Variants in CYRIB observed in about 807,000 individuals in gnomAD.
CYRIB encodes CYFIP related Rac1 interactor B.
In CYRIB, 8 loss-of-function variants were observed where a neutral mutation model predicts 44.2. That is an observed-to-expected ratio of 0.18 (90% confidence interval 0.11 to 0.33). The LOEUF is 0.33. Among genes scored for constraint, CYRIB ranks in the 10% least tolerant of loss-of-function variants. CYRIB has a pLI of 1.00. For missense variants in CYRIB, 185 were observed against 382.8 expected (o/e 0.48, Z 4.31); for synonymous variants, 131 against 127.2 (o/e 1.03, Z -0.20).
intron 1 of CYRIB, among the ~76,000 whole-genome samples, chr8:129,919,575 T>C (rs1467918020): frequency 1.3e-5 from 2 of 152,282 alleles, no homozygotes; most frequent in Admixed American, 6.5e-5. Flanking sequence ...GGGAGTAATT[T>C]CATTATGTCT....
chr8:129,945,499 A>G (rs1401023443), intron 2 of CYRIB, among the ~76,000 whole-genome samples: 1 of 152,150 alleles, frequency 6.6e-6, no homozygotes, highest in African/African-American at 2.4e-5. Flanking sequence ...AACAGTTTTC[A>G]GTCTTGGTTT....
At chr8:130,007,270 G>A (rs138552824) in intron 1 of CYRIB, among the ~76,000 whole-genome samples, 125 of 152,136 alleles carry the variant, frequency 8.2e-4, no homozygotes, top group African/African-American at 2.8e-3. Flanking sequence ...GTCTGCTCTC[G>A]GCTACACAAC....
At chr8:129,935,159 C>T (rs1288030007) in intron 1 of CYRIB, among the ~76,000 whole-genome samples, 2 of 152,126 alleles carry the variant, frequency 1.3e-5, no homozygotes, top group African/African-American at 4.8e-5. Flanking sequence ...ATTATGACAT[C>T]CGGGACTATG....
At chr8:129,970,950 G>C (rs191793405) in exon 2 of CYRIB, 1 of 152,262 alleles carries the variant, frequency 6.6e-6, no homozygotes, top group East Asian at 1.9e-4. Context: ...TACCAACTGG[G>C]TAACCTTGAA....
At chr8:129,994,214 G>A (rs190910384) in intron 1 of CYRIB, among the ~76,000 whole-genome samples, 10 of 152,234 alleles carry the variant, frequency 6.6e-5, no homozygotes, top group Admixed American at 1.3e-4. Flanking sequence ...ACGAGCAGAC[G>A]GTGTCACACC....
chr8:130,003,371 T>G (rs1195290917), intron 1 of CYRIB, among the ~76,000 whole-genome samples: 1 of 152,220 alleles, frequency 6.6e-6, no homozygotes. Flanking sequence ...TTGCAATAGT[T>G]GCCCAGAAGG....
intron 1 of CYRIB, among the ~76,000 whole-genome samples, chr8:129,932,994 G>A (rs140850645): frequency 5.9e-5 from 9 of 152,280 alleles, no homozygotes; most frequent in Admixed American, 2.0e-4. Context: ...CCTCTGGGCT[G>A]GTGGAAGGAG....
exon 5 of CYRIB, chr8:129,862,229 C>T: frequency 6.2e-7 from 1 of 1,606,700 alleles, no homozygotes; most frequent in Non-Finnish European, 8.5e-7. Flanking sequence ...TTCAACTTAC[C>T]TAACCTCTGA....
intron 2 of CYRIB, among the ~76,000 whole-genome samples, chr8:129,970,142 G>A (rs1362936268): frequency 6.6e-6 from 1 of 152,164 alleles, no homozygotes; most frequent in African/African-American, 2.4e-5. Context: ...ATTAAGATTT[G>A]TGCATTTTAC....
intron 1 of CYRIB, among the ~76,000 whole-genome samples, chr8:129,994,801 A>G (rs1170627746): frequency 6.6e-6 from 1 of 152,268 alleles, no homozygotes; most frequent in Non-Finnish European, 1.5e-5. Flanking sequence ...CCATGCTCAG[A>G]CAAAGGACCA....
chr8:129,995,721 C>G lies in CYRIB; in HGVS notation c.-296+20649G>C, dbSNP rs113181767. On this transcript the variant is annotated intron_variant, in intron 1 of 14. Coordinates refer to the CYRIB transcript ENST00000401979. ...AGCATTTGCTGGGCATCACAGATTT[C>G]TAAACACACACACATACACACACAC... Among the ~76,000 whole-genome samples, 124 of 152,300 alleles carry G rather than the reference C, an allele frequency of 8.1e-4. 1 individual carries two copies. Among genetic ancestry groups the G allele is most frequent in the African/African-American group, 2.7e-3 (114 of 41,566 alleles).
chr8:129,924,437 C>G (rs548648832), intron 1 of CYRIB, among the ~76,000 whole-genome samples: 22 of 152,004 alleles, frequency 1.4e-4, no homozygotes, highest in Non-Finnish European at 2.9e-4. Context: ...AAAATGCCTC[C>G]ATGAGCACAT....
intron 1 of CYRIB, among the ~76,000 whole-genome samples, chr8:129,932,487 C>A (rs1024840793): frequency 6.6e-5 from 10 of 152,172 alleles, no homozygotes; most frequent in African/African-American, 1.9e-4. Context: ...AGAAAGCCCA[C>A]TGGGTGTACA....
At chr8:129,877,814 A>G (rs1352373321) in intron 3 of CYRIB, among the ~76,000 whole-genome samples, 3 of 152,130 alleles carry the variant, frequency 2.0e-5, no homozygotes, top group Non-Finnish European at 4.4e-5. Flanking sequence ...GTTTACAAAA[A>G]GATCAAGTGC....
chr8:129,936,868 G>A (rs1013963637), intron 1 of CYRIB, among the ~76,000 whole-genome samples: 1 of 151,786 alleles, frequency 6.6e-6, no homozygotes, highest in African/African-American at 2.4e-5. Context: ...CACCACGCCC[G>A]GCTAATTTTT....
At chr8:129,875,554 CA>C (rs1333683428) in intron 3 of CYRIB, among the ~76,000 whole-genome samples, 1 of 152,000 alleles carries the variant, frequency 6.6e-6, no homozygotes, top group Non-Finnish European at 1.5e-5. Context: ...TAACTGCTGC[CA>C]AATTTTATGG....
chr8:129,856,538 C>T (rs968306627), intron 5 of CYRIB, among the ~76,000 whole-genome samples: 1 of 152,034 alleles, frequency 6.6e-6, no homozygotes, highest in Non-Finnish European at 1.5e-5. Context: ...AGATTCTGGT[C>T]AGAGAAAATA....
intron 1 of CYRIB, among the ~76,000 whole-genome samples, chr8:129,935,840 C>A (rs957321697): frequency 6.6e-6 from 1 of 152,160 alleles, no homozygotes; most frequent in African/African-American, 2.4e-5. Context: ...CAAAATCACA[C>A]AATATCTTTG....
intron 1 of CYRIB, among the ~76,000 whole-genome samples, chr8:129,912,133 C>G (rs979554748): frequency 6.6e-6 from 1 of 152,122 alleles, no homozygotes; most frequent in Non-Finnish European, 1.5e-5. Flanking sequence ...CATTTACACA[C>G]ATAATTTTAA....
Sources: allele counts gnomAD v4.1 joint callset (sites outside exome capture counted in the v4.1 genomes callset), GRCh38; gene constraint gnomAD v4.1.1; transcripts MANE v1.5; gene names NCBI Gene and HGNC (gene_info 2026-07-23, HGNC 2026-07-21).